The following TMCO4 variants were observed in gnomAD, a reference collection of about 807,000 sequenced individuals.
TMCO4 encodes the protein transmembrane and coiled-coil domain-containing protein 4.
TMCO4 carries 58 observed loss-of-function variants against 64.7 expected under a neutral mutation model. The observed-to-expected ratio is 0.90, with a 90% CI of 0.73 to 1.12. TMCO4 has a LOEUF of 1.12. Ranked by LOEUF, TMCO4 falls within the 50% of genes most tolerant of loss-of-function variation. The pLI is 0.00. For missense variants in TMCO4, 780 were observed against 825.9 expected (o/e 0.94, Z 0.68); for synonymous variants, 325 against 346.1 (o/e 0.94, Z 0.68).
intron 13 of TMCO4, among the ~76,000 whole-genome samples, chr1:19,726,967 G>T (rs904148604): frequency 4.6e-5 from 7 of 152,230 alleles, no homozygotes; most frequent in Non-Finnish European, 8.8e-5. Context: ...TGAACATGTG[G>T]CGGGACTGCT....
chr1:19,683,531 C>T lies in TMCO4; in HGVS notation c.1501-87G>A. On this transcript the variant is annotated intron_variant, in intron 15 of 15. Coordinates refer to ENST00000294543, the MANE Select transcript of TMCO4 (RefSeq NM_181719.7). ...CTCCGGCCAAACTTCTGGGCCTCAGCCTTGCCCTGAGCATCCACAGCCAAC... is the reference window on the plus strand; with the variant it reads ...CTCCGGCCAAACTTCTGGGCCTCAGTCTTGCCCTGAGCATCCACAGCCAAC... 3.4e-6 allele frequency: 5 copies of T among 1,484,726 alleles called. No individual in the cohort carries two copies. In the South Asian group the frequency reaches 5.0e-5, roughly 15 times the overall value. The allele number at this position is 1,484,726 out of a possible 1,614,324, so 92.0% of individuals were successfully genotyped here. A position where few individuals can be genotyped will look rare whatever the true frequency, so the allele number is the denominator to read the frequency against.
At chr1:19,731,442 C>T (rs1256766730) in intron 13 of TMCO4, among the ~76,000 whole-genome samples, 1 of 152,210 alleles carries the variant, frequency 6.6e-6, no homozygotes, top group Non-Finnish European at 1.5e-5. Context: ...CTATTATTGG[C>T]TATGTCTCAC....
chr1:19,695,972 C>T (rs1169401035), intron 14 of TMCO4, among the ~76,000 whole-genome samples: 2 of 152,152 alleles, frequency 1.3e-5, no homozygotes, highest in East Asian at 3.9e-4. Context: ...CCAATACCTG[C>T]CCCTTGTGGT....
Position 19,793,432 on chromosome 1 carries a change from C to T in TMCO4, c.-101+4705G>A, listed in dbSNP as rs74058654. Among the ~76,000 whole-genome samples, 1,059 of 152,186 alleles carry T rather than the reference C, an allele frequency of 7.0e-3. 13 individuals are homozygous for T. Among genetic ancestry groups the T allele is most frequent in the African/African-American group, 0.024 (1,006 of 41,542 alleles). On this transcript the variant is annotated intron_variant, in intron 2 of 15. Transcript: ENST00000294543. ...TGAAGGTTACAATACACACACATAC[C>T]ACACCCAAAATAAGACAATCTTGAG...
intron 2 of TMCO4, among the ~76,000 whole-genome samples, chr1:19,787,809 G>A (rs1465082583): frequency 6.6e-6 from 1 of 152,122 alleles, no homozygotes; most frequent in East Asian, 1.9e-4. Flanking sequence ...AGGCTGGAGT[G>A]CAGTGGTGCA....
At chr1:19,737,237 TA>T in intron 13 of TMCO4, 134 bp downstream of exon 13, 3 of 878,754 alleles carry the variant, frequency 3.4e-6, no homozygotes, top group South Asian at 4.0e-5. Context: ...ATTTTTAAAC[TA>T]TTTTTAACTT....
intron 1 of TMCO4, chr1:19,799,266 A>C (rs1020784104): frequency 1.3e-5 from 2 of 152,496 alleles, no homozygotes; most frequent in Middle Eastern, 3.4e-3. Flanking sequence ...TGGGCACCAG[A>C]AGACATGGCC....
intron 3 of TMCO4, among the ~76,000 whole-genome samples, chr1:19,786,454 T>C (rs1444322609): frequency 6.6e-6 from 1 of 152,128 alleles, no homozygotes; most frequent in Non-Finnish European, 1.5e-5. Flanking sequence ...GGTGGGCACG[T>C]CTTTGACAAA....
chr1:19,721,297 T>C (rs75037040), intron 13 of TMCO4, among the ~76,000 whole-genome samples: 4 of 148,996 alleles, frequency 2.7e-5, no homozygotes, highest in African/African-American at 1.0e-4. Flanking sequence ...TCTCTCCATA[T>C]ACACCTGTGC....
At chr1:19,781,261 G>C (rs2043461926) in intron 3 of TMCO4, among the ~76,000 whole-genome samples, 1 of 151,176 alleles carries the variant, frequency 6.6e-6, no homozygotes, top group Non-Finnish European at 1.5e-5. Flanking sequence ...AGGAGTTCAA[G>C]ACCAGCCTGG....
chr1:19,694,614 C>A, intron 14 of TMCO4, 63 bp from the exon 15 acceptor site: 1 of 1,506,010 alleles, frequency 6.6e-7, no homozygotes, highest in Non-Finnish European at 9.1e-7. Flanking sequence ...AAGGACAGGA[C>A]GGGCCAGGCT....
At chr1:19,722,719 C>A (rs1413666658) in intron 13 of TMCO4, among the ~76,000 whole-genome samples, 1 of 152,092 alleles carries the variant, frequency 6.6e-6, no homozygotes, top group Non-Finnish European at 1.5e-5. Context: ...GAAAGAACCC[C>A]TGGGGCACTT....
intron 13 of TMCO4, among the ~76,000 whole-genome samples, chr1:19,722,694 G>T (rs2095390664): frequency 6.6e-6 from 1 of 152,160 alleles, no homozygotes; most frequent in South Asian, 2.1e-4. Flanking sequence ...AGGCTAGGGA[G>T]ACACAGTCCT....
intron 15 of TMCO4, among the ~76,000 whole-genome samples, chr1:19,692,386 C>CT (rs1185841363): frequency 6.6e-6 from 1 of 152,102 alleles, no homozygotes; most frequent in Non-Finnish European, 1.5e-5. Context: ...TGGAATGTCT[C>CT]TAAGCCTCAG....
rs748633593 is a variant in TMCO4, at chr1:19,694,487, G to A, written c.1447C>T (p.Gln483Ter). 4 of 1,614,164 alleles carry A rather than the reference G, an allele frequency of 2.5e-6. No individual in the cohort carries two copies. Among genetic ancestry groups the A allele is most frequent in the Admixed American group, 1.7e-5 (1 of 60,028 alleles). The part of the protein sequence containing the change: ...SSVQLRVAGL[Q>*]PVLLQDRRVE... Reference sequence around the variant, plus strand: ...CTCCTGTCCTGCAGCAGCACGGGCTGTAGGCCGGCGACACGGAGCTGCACC... The same window carrying A: ...CTCCTGTCCTGCAGCAGCACGGGCTATAGGCCGGCGACACGGAGCTGCACC... Residue 483 changes from glutamine (Q) to a stop codon, truncating the protein, a stop_gained, in exon 15 of 16, where the codon CAG (glutamine) becomes TAG (stop). Coordinates refer to ENST00000294543, the MANE Select transcript of TMCO4 (RefSeq NM_181719.7). LOFTEE classifies it high-confidence loss of function.
At chr1:19,708,372 T>C (rs2095313014) in intron 13 of TMCO4, among the ~76,000 whole-genome samples, 1 of 150,938 alleles carries the variant, frequency 6.6e-6, no homozygotes. Flanking sequence ...CTGGAAATTA[T>C]CTTAGCTTTT....
intron 13 of TMCO4, among the ~76,000 whole-genome samples, chr1:19,725,595 G>A (rs1013501889): frequency 1.2e-4 from 18 of 152,146 alleles, no homozygotes; most frequent in African/African-American, 4.3e-4. Context: ...CCCTTGGCAC[G>A]CACTGGGGTC....
chr1:19,725,019 C>G (rs924745581), intron 13 of TMCO4, among the ~76,000 whole-genome samples: 3 of 152,168 alleles, frequency 2.0e-5, no homozygotes, highest in Non-Finnish European at 4.4e-5. Context: ...CTCGGCCTCC[C>G]AAAGTGCTGG....
chr1:19,743,562 G>C lies in TMCO4; in HGVS notation c.877+1970C>G, dbSNP rs1420374333. 6.6e-6 allele frequency among the ~76,000 whole-genome samples: 1 copy of C among 152,146 alleles called. No homozygotes were observed. Among genetic ancestry groups the C allele is most frequent in the African/African-American group, 2.4e-5 (1 of 41,424 alleles). The stretch of plus-strand genomic sequence containing the variant: ...TCCCACACTAGACAGCTGGAGATCA[G>C]TGAAGACTTTCCTCATCCCCAAATG... On this transcript the variant is annotated intron_variant, in intron 10 of 15. Coordinates refer to ENST00000294543, the MANE Select transcript of TMCO4 (RefSeq NM_181719.7). This position sits in a 1 kb window ranked among gnomAD's most constrained non-coding sequence, Gnocchi z 4.1.
Sources: gnomAD v4.1 joint callset for allele counts (sites outside exome capture counted in the v4.1 genomes callset) on GRCh38, gnomAD v4.1.1 for gene constraint, Gnocchi (gnomAD v3.1) non-coding constraint, MANE v1.5 for transcripts, NCBI Gene and HGNC (gene_info 2026-07-23, HGNC 2026-07-21) for gene names.